DOCK2: variants seen among roughly 807,000 people sequenced by gnomAD.
DOCK2 encodes dedicator of cytokinesis 2.
Under a neutral mutation model 248.9 loss-of-function variants are expected in DOCK2, and 87 were observed. That is an observed-to-expected ratio of 0.35 (90% CI 0.29 to 0.42). The LOEUF is 0.42. Among genes scored for constraint, DOCK2 ranks in the 10% least tolerant of loss-of-function variants. DOCK2 has a pLI of 1.00. For missense variants in DOCK2, 1,747 were observed against 2,300.2 expected (o/e 0.76, Z 4.92); for synonymous variants, 805 against 821.6 (o/e 0.98, Z 0.35).
At chr5:170,067,712 AG>A in intron 45 of DOCK2, 26 bp downstream of exon 45, 1 of 1,612,136 alleles carries the variant, frequency 6.2e-7, no homozygotes, top group Non-Finnish European at 8.5e-7. Context: ...CTCCAAGTCT[AG>A]GGGAGCTCGG....
intron 14 of DOCK2, among the ~76,000 whole-genome samples, chr5:169,704,749 C>T (rs1037624770): frequency 6.8e-6 from 1 of 146,040 alleles, no homozygotes; most frequent in East Asian, 2.0e-4. Flanking sequence ...ATCTCATTTA[C>T]TCCATATATA....
At chr5:169,927,095 G>A (rs1775499246) in intron 27 of DOCK2, among the ~76,000 whole-genome samples, 1 of 152,198 alleles carries the variant, frequency 6.6e-6, no homozygotes, top group South Asian at 2.1e-4. Flanking sequence ...CATGAAGAGT[G>A]GGAAGAGCAA....
intron 14 of DOCK2, among the ~76,000 whole-genome samples, chr5:169,707,504 G>A (rs914326396): frequency 1.3e-5 from 2 of 152,148 alleles, no homozygotes; most frequent in South Asian, 2.1e-4. Flanking sequence ...CTGTCATGAC[G>A]TGTTCCCTAA....
intron 2 of DOCK2, among the ~76,000 whole-genome samples, chr5:169,667,011 C>T (rs1758772996): frequency 6.6e-6 from 1 of 152,180 alleles, no homozygotes; most frequent in South Asian, 2.1e-4. Context: ...ATTAGGAAAC[C>T]TATAAGACGT....
intron 27 of DOCK2, 39 bp from the exon 28 acceptor site, chr5:169,983,029 C>T (rs1314906915): frequency 1.2e-6 from 2 of 1,607,748 alleles, no homozygotes; most frequent in African/African-American, 2.7e-5. Context: ...CCATGGTCCT[C>T]TCTCAACTAT....
chr5:169,756,407 T>C (rs1045876172), intron 23 of DOCK2, among the ~76,000 whole-genome samples: 3 of 152,226 alleles, frequency 2.0e-5, no homozygotes, highest in African/African-American at 4.8e-5. Flanking sequence ...ACTTTGGCCT[T>C]AATTATGATG....
At chr5:169,974,246 A>T (rs1235195012) in intron 27 of DOCK2, among the ~76,000 whole-genome samples, 2 of 152,254 alleles carry the variant, frequency 1.3e-5, no homozygotes, top group Non-Finnish European at 2.9e-5. Context: ...GGATTACATA[A>T]GATAAAGCTT....
rs1757137554 is a variant in DOCK2, at chr5:170,056,539, C to A, written c.4296-145C>A. On this transcript the variant is annotated intron_variant, in intron 42 of 51. Coordinates refer to ENST00000520908, the MANE Select transcript of DOCK2 (RefSeq NM_004946.3). ...AGTCACTCTTACGGAGCCCAGAACACAGACCTTGATTTTAAATGCACCACA... is the reference window on the plus strand; with the variant it reads ...AGTCACTCTTACGGAGCCCAGAACAAAGACCTTGATTTTAAATGCACCACA... 9.9e-5 allele frequency: 62 copies of A among 623,902 alleles called. 2 individuals are homozygous for A. The South Asian group carries it at 1.3e-3, about 13-fold the overall frequency. 38.6% of individuals were successfully genotyped at this position (623,902 alleles called of 1,614,324 possible).
chr5:170,070,548 C>T (rs1757646381), intron 46 of DOCK2, among the ~76,000 whole-genome samples: 1 of 152,216 alleles, frequency 6.6e-6, no homozygotes, highest in Non-Finnish European at 1.5e-5. Context: ...CCCCAGCCTT[C>T]TGGGGTCGTC....
In DOCK2 at chr5:169,718,065, AAAAC is replaced by A. The variant is rs1761997626; in HGVS notation, c.2132+585_2133-585del. ...TGACAGTAAGACTCATCTCAAAAAC[AAAAC>A]AAAACAAAACAAAACAAAAACAGCG... On this transcript the variant is annotated intron_variant, in intron 21 of 51. Coordinates refer to ENST00000520908, the MANE Select transcript of DOCK2 (RefSeq NM_004946.3). 1.7e-3 allele frequency among the ~76,000 whole-genome samples: 42 copies of A among 24,796 alleles called. No individual in the cohort carries two copies. In the Admixed American group the frequency reaches 0.018, roughly 10 times the overall value. 16.3% of individuals were successfully genotyped at this position (24,796 alleles called of 152,430 possible).
intron 10 of DOCK2, 48 bp from the exon 11 acceptor site, chr5:169,698,326 G>A (rs1009686542): frequency 2.5e-6 from 4 of 1,593,730 alleles, no homozygotes; most frequent in Non-Finnish European, 3.4e-6. Flanking sequence ...CATCCCTTAT[G>A]GGAACAGGAA....
rs1321421219 is a variant in DOCK2, at chr5:169,756,074, A to G, written c.2377-3631A>G. Reference sequence around the variant, plus strand: ...TGTGAGGCCGCCTGGACTAGATGCAAATTTAATACTCCCCTGTCATGTTGC... The same window carrying G: ...TGTGAGGCCGCCTGGACTAGATGCAGATTTAATACTCCCCTGTCATGTTGC... On this transcript the variant is annotated intron_variant, in intron 23 of 51. Transcript: ENST00000520908. 2.0e-5 allele frequency among the ~76,000 whole-genome samples: 3 copies of G among 152,186 alleles called. No individual in the cohort carries two copies. In the East Asian group the frequency reaches 5.8e-4, roughly 29 times the overall value.
At chr5:169,964,440 C>T (rs1777217434) in intron 27 of DOCK2, among the ~76,000 whole-genome samples, 1 of 152,180 alleles carries the variant, frequency 6.6e-6, no homozygotes, top group East Asian at 1.9e-4. Flanking sequence ...AGGAGAGAGG[C>T]CTGGGAGGGG....
intron 26 of DOCK2, among the ~76,000 whole-genome samples, chr5:169,812,896 A>G (rs155024): frequency 0.15 from 22,266 of 152,292 alleles, 2,082 homozygotes; most frequent in East Asian, 0.36. Flanking sequence ...GCAACCCCCA[A>G]GCCAGCCCTG....
chr5:169,734,358 G>A (rs1762929235), intron 22 of DOCK2, among the ~76,000 whole-genome samples: 1 of 152,066 alleles, frequency 6.6e-6, no homozygotes, highest in Admixed American at 6.6e-5. Context: ...CCAGTAGTGG[G>A]AATCTTTGTG....
At chr5:170,049,287 G>A (rs1215782433) in intron 40 of DOCK2, among the ~76,000 whole-genome samples, 1 of 152,164 alleles carries the variant, frequency 6.6e-6, no homozygotes, top group African/African-American at 2.4e-5. Context: ...GCTAATTTTT[G>A]TATTTTTAGT....
chr5:169,849,292 G>C (rs571513480), intron 27 of DOCK2, among the ~76,000 whole-genome samples: 1 of 152,346 alleles, frequency 6.6e-6, no homozygotes, highest in South Asian at 2.1e-4. Context: ...AGATAACTGA[G>C]ACACAGGGAG....
In DOCK2 at chr5:169,934,403, C is replaced by A. The variant is rs555505556; in HGVS notation, c.2800-48665C>A. On this transcript the variant is annotated intron_variant, in intron 27 of 51. Coordinates refer to ENST00000520908, the MANE Select transcript of DOCK2 (RefSeq NM_004946.3). Reference sequence around the variant, plus strand: ...TTGTTCCCACTAATTTACCTATCCGCATGCCCGTGAATCACAAACCCTCAA... The same window carrying A: ...TTGTTCCCACTAATTTACCTATCCGAATGCCCGTGAATCACAAACCCTCAA... 5.8e-4 allele frequency among the ~76,000 whole-genome samples: 89 copies of A among 152,326 alleles called. 5 individuals carry two copies. In the South Asian group the frequency reaches 0.014, roughly 25 times the overall value.
intron 22 of DOCK2, among the ~76,000 whole-genome samples, chr5:169,734,551 C>A (rs955904538): frequency 6.6e-6 from 1 of 152,084 alleles, no homozygotes; most frequent in Non-Finnish European, 1.5e-5. Flanking sequence ...GGGGCAATAC[C>A]AACCAGATAC....
Sources: allele counts gnomAD v4.1 joint callset (sites outside exome capture counted in the v4.1 genomes callset), GRCh38; gene constraint gnomAD v4.1.1; transcripts MANE v1.5; gene names NCBI Gene and HGNC (gene_info 2026-07-23, HGNC 2026-07-21).